RABGAP1L: variants seen among roughly 807,000 people sequenced by gnomAD.
RABGAP1L encodes the protein rab GTPase-activating protein 1-like.
RABGAP1L carries 63 observed loss-of-function variants against 137.7 expected under a neutral mutation model. The observed-to-expected ratio is 0.46, with a 90% CI of 0.37 to 0.56. The LOEUF is 0.56. RABGAP1L is among the 20% of genes least tolerant of loss of function. The pLI is 0.00. For synonymous variants in RABGAP1L, 431 were observed against 433.7 expected (o/e 0.99, Z 0.08); for missense variants, 1,095 against 1,244.0 (o/e 0.88, Z 1.80).
At chr1:174,318,698 A>G (rs1679658745) in intron 11 of RABGAP1L, among the ~76,000 whole-genome samples, 1 of 146,178 alleles carries the variant, frequency 6.8e-6, no homozygotes. Flanking sequence ...CTTTGTGATT[A>G]ATAATATTTT....
At chr1:174,921,822 T>G (rs908875960) in intron 19 of RABGAP1L, among the ~76,000 whole-genome samples, 1 of 152,240 alleles carries the variant, frequency 6.6e-6, no homozygotes, top group Non-Finnish European at 1.5e-5. Flanking sequence ...ATAATGAGCT[T>G]CCTAAAGATG....
At chr1:174,877,342 T>G in intron 19 of RABGAP1L, 2 of 1,358,488 alleles carry the variant, frequency 1.5e-6, no homozygotes, top group Non-Finnish European at 2.0e-6. Flanking sequence ...TTTTTTTTCT[T>G]TCTCTTTCTT....
chr1:174,369,761 G>C (rs1684948018), intron 11 of RABGAP1L, among the ~76,000 whole-genome samples: 1 of 152,118 alleles, frequency 6.6e-6, no homozygotes, highest in African/African-American at 2.4e-5. Context: ...GGTATTTCTA[G>C]AACAGTCATG....
At chr1:174,549,698 A>G (rs1263517211) in intron 13 of RABGAP1L, among the ~76,000 whole-genome samples, 2 of 152,206 alleles carry the variant, frequency 1.3e-5, no homozygotes, top group Admixed American at 1.3e-4. Flanking sequence ...CAGAAGCTTA[A>G]TTTTTTTCCT....
At chr1:174,488,795 T>A (rs1345534840) in intron 13 of RABGAP1L, among the ~76,000 whole-genome samples, 1 of 152,108 alleles carries the variant, frequency 6.6e-6, no homozygotes, top group African/African-American at 2.4e-5. Flanking sequence ...TTTTAAGTTC[T>A]AGGGTACATG....
intron 1 of RABGAP1L, among the ~76,000 whole-genome samples, chr1:174,161,705 A>T (rs1190413014): frequency 6.6e-6 from 1 of 152,094 alleles, no homozygotes; most frequent in Non-Finnish European, 1.5e-5. Context: ...AACCTAAAAA[A>T]GTGTGACTGT....
At chr1:174,615,413 G>A (rs745623787) in intron 13 of RABGAP1L, among the ~76,000 whole-genome samples, 8 of 152,176 alleles carry the variant, frequency 5.3e-5, no homozygotes, top group Non-Finnish European at 8.8e-5. Flanking sequence ...CACAAATGCT[G>A]CTGTCTGATC....
At chr1:174,430,464 G>A (rs1652500327) in intron 13 of RABGAP1L, among the ~76,000 whole-genome samples, 1 of 152,036 alleles carries the variant, frequency 6.6e-6, no homozygotes. Flanking sequence ...ACAATACCTA[G>A]CATGCAATAG....
At chr1:174,363,806 T>A (rs1266474605) in intron 11 of RABGAP1L, among the ~76,000 whole-genome samples, 1 of 144,212 alleles carries the variant, frequency 6.9e-6, no homozygotes, top group African/African-American at 2.5e-5. Context: ...GAAATGCTCA[T>A]ATGGTTTTTG....
intron 13 of RABGAP1L, among the ~76,000 whole-genome samples, chr1:174,459,205 G>T (rs1656392813): frequency 6.6e-6 from 1 of 152,174 alleles, no homozygotes; most frequent in Admixed American, 6.5e-5. Flanking sequence ...AAATCTTGAT[G>T]ATTCAGTTAA....
chr1:174,670,682 T>G (rs1677111157), intron 14 of RABGAP1L, among the ~76,000 whole-genome samples: 1 of 152,190 alleles, frequency 6.6e-6, no homozygotes, highest in South Asian at 2.1e-4. Flanking sequence ...TTATTTCACT[T>G]AACATAATGA....
At chr1:174,614,687 C>T (rs1359855857) in intron 13 of RABGAP1L, among the ~76,000 whole-genome samples, 3 of 152,170 alleles carry the variant, frequency 2.0e-5, no homozygotes, top group Non-Finnish European at 2.9e-5. Flanking sequence ...CAACTTGGTT[C>T]CATTCTCCCC....
intron 13 of RABGAP1L, among the ~76,000 whole-genome samples, chr1:174,424,128 A>G (rs1026725304): frequency 1.3e-5 from 2 of 152,120 alleles, no homozygotes; most frequent in South Asian, 2.1e-4. Context: ...ATATGTGTCT[A>G]TGGTTTTTAT....
At chr1:174,882,097 T>C (rs181856560) in intron 19 of RABGAP1L, among the ~76,000 whole-genome samples, 241 of 152,176 alleles carry the variant, frequency 1.6e-3, no homozygotes, top group Non-Finnish European at 3.0e-3. Context: ...CTGACTTCAG[T>C]TGATCTGCCC....
At chr1:174,866,242 T>C (rs1651224022) in intron 19 of RABGAP1L, among the ~76,000 whole-genome samples, 1 of 151,732 alleles carries the variant, frequency 6.6e-6, no homozygotes, top group South Asian at 2.1e-4. Flanking sequence ...TCTTTCCCTC[T>C]ATATCTATCT....
chr1:174,496,646 A>G (rs12064743), intron 13 of RABGAP1L, among the ~76,000 whole-genome samples: 58,975 of 152,090 alleles, frequency 0.39, 14,377 homozygotes, highest in African/African-American at 0.69. Context: ...AAATATCTCA[A>G]TTGAAGGCAA....
chr1:174,384,903 A>C (rs1193724324), intron 12 of RABGAP1L, among the ~76,000 whole-genome samples: 1 of 152,206 alleles, frequency 6.6e-6, no homozygotes, highest in Non-Finnish European at 1.5e-5. Flanking sequence ...CTTGTCTTAT[A>C]TAGTGTTTTA....
At chr1:174,897,202 G>C (rs1034015875) in intron 19 of RABGAP1L, 7 of 152,142 alleles carry the variant, frequency 4.6e-5, no homozygotes, top group Non-Finnish European at 8.8e-5. Context: ...TGAAGCAATT[G>C]TGAATGGGAG....
intron 18 of RABGAP1L, among the ~76,000 whole-genome samples, chr1:174,807,622 T>A (rs1206743684): frequency 1.3e-5 from 2 of 152,164 alleles, no homozygotes; most frequent in Non-Finnish European, 2.9e-5. Context: ...AAAAAACCCA[T>A]CAGAATCAAA....
Sources: gnomAD v4.1 joint callset for allele counts (sites outside exome capture counted in the v4.1 genomes callset) on GRCh38, gnomAD v4.1.1 for gene constraint, MANE v1.5 for transcripts, NCBI Gene and HGNC (gene_info 2026-07-23, HGNC 2026-07-21) for gene names.